Variants in HLA-DMB observed in about 807,000 individuals in gnomAD.
HLA-DMB encodes major histocompatibility complex, class II, DM beta.
Under a neutral mutation model 29.3 loss-of-function variants are expected in HLA-DMB, and 18 were observed. That is an observed-to-expected ratio of 0.62 (90% CI 0.43 to 0.91). The LOEUF is 0.91. Among genes scored for constraint, HLA-DMB ranks in the 40% least tolerant of loss-of-function variants. The pLI is 0.00. For synonymous variants in HLA-DMB, 143 were observed against 128.7 expected (o/e 1.11, Z -0.75); for missense variants, 258 against 320.9 (o/e 0.80, Z 1.50).
chr6:32,938,669 C>A lies in HLA-DMB; in HGVS notation c.337+15G>T, dbSNP rs971919143. The A allele has an allele frequency of 2.0e-6, 3 of 1,473,190 alleles. No homozygotes were observed. Among genetic ancestry groups the A allele is most frequent in the East Asian group, 5.2e-5 (2 of 38,244 alleles). The allele number at this position is 1,473,190 out of a possible 1,614,324, so 91.3% of individuals were successfully genotyped here. Reference sequence around the variant, plus strand: ...TGCACTTCCTGGTAGCCCCTCTGCACCCCTCTCTCCTCACGTGTCCTGTTG... The same window carrying A: ...TGCACTTCCTGGTAGCCCCTCTGCAACCCTCTCTCCTCACGTGTCCTGTTG... On this transcript the variant is annotated intron_variant, in intron 2 of 5. Transcript: ENST00000418107.
In HLA-DMB at chr6:32,937,488, G is replaced by A. The variant is rs1220723922; in HGVS notation, c.338-32C>T. Reference sequence around the variant, plus strand: ...AGGAGAAAAAAACATGTTTAGGAAGGAGGGTGACATTCTGGCTGCTTCCTC... The same window carrying A: ...AGGAGAAAAAAACATGTTTAGGAAGAAGGGTGACATTCTGGCTGCTTCCTC... On this transcript the variant is annotated intron_variant, in intron 2 of 5. Coordinates refer to ENST00000418107, the MANE Select transcript of HLA-DMB (RefSeq NM_002118.5). This position sits in a 1 kb window ranked among gnomAD's most constrained non-coding sequence, Gnocchi z 4.1. The A allele has an allele frequency of 6.3e-7, 1 of 1,588,902 alleles. No homozygotes were observed.
chr6:32,935,067 C>T (rs978511683), intron 5 of HLA-DMB, 80 bp from the exon 6 acceptor site: 1 of 1,512,870 alleles, frequency 6.6e-7, no homozygotes, highest in Non-Finnish European at 9.1e-7. Flanking sequence ...CATCCCATGC[C>T]TTAATACAGT....
chr6:32,937,649 C>A lies in HLA-DMB; in HGVS notation c.338-193G>T. The A allele has an allele frequency of 1.7e-6, 1 of 575,708 alleles. No individual in the cohort carries two copies. Among genetic ancestry groups the A allele is most frequent in the Admixed American group, 3.2e-5 (1 of 31,514 alleles). 35.7% of individuals were successfully genotyped at this position (575,708 alleles called of 1,614,324 possible). ...GCATTACTCTTTCTTCTCTCCCATTCCTTCATTGCCCCTTTCTTTCTTTCC... is the reference window on the plus strand; with the variant it reads ...GCATTACTCTTTCTTCTCTCCCATTACTTCATTGCCCCTTTCTTTCTTTCC... On this transcript the variant is annotated intron_variant, in intron 2 of 5. Coordinates refer to ENST00000418107, the MANE Select transcript of HLA-DMB (RefSeq NM_002118.5). The surrounding 1 kb of genome is among the most constrained non-coding windows in gnomAD (Gnocchi z 4.1).
chr6:32,935,204 C>T (rs771132401), intron 5 of HLA-DMB, 138 bp downstream of exon 5: 6 of 855,192 alleles, frequency 7.0e-6, no homozygotes, highest in Non-Finnish European at 9.7e-6. Context: ...GCAATGGCAG[C>T]TTAAATCATG....
At position 32,937,653 on chromosome 6, in the gene HLA-DMB, C is replaced by G. The variant is rs1776090141; in HGVS notation, c.338-197G>C. On this transcript the variant is annotated intron_variant, in intron 2 of 5. Coordinates refer to ENST00000418107, the MANE Select transcript of HLA-DMB (RefSeq NM_002118.5). The surrounding 1 kb of genome is among the most constrained non-coding windows in gnomAD (Gnocchi z 4.1). ...TACTCTTTCTTCTCTCCCATTCCTTCATTGCCCCTTTCTTTCTTTCCTCCT... is the reference window on the plus strand; with the variant it reads ...TACTCTTTCTTCTCTCCCATTCCTTGATTGCCCCTTTCTTTCTTTCCTCCT... 2 of 574,520 alleles carry G rather than the reference C, an allele frequency of 3.5e-6. No homozygotes were observed. The highest frequency in any genetic ancestry group is 3.7e-5 in the African/African-American group (2 of 53,486). 35.6% of individuals were successfully genotyped at this position (574,520 alleles called of 1,614,324 possible). A position where few individuals can be genotyped will look rare whatever the true frequency, so the allele number is the denominator to read the frequency against.
chr6:32,938,700 T>G lies in HLA-DMB; in HGVS notation c.321A>C (p.Ser107=), dbSNP rs547721366. The G allele has an allele frequency of 1.3e-6, 2 of 1,523,932 alleles. No individual in the cohort carries two copies. The highest frequency in any genetic ancestry group is 1.8e-6 in the Non-Finnish European group (2 of 1,131,666). 94.4% of individuals were successfully genotyped at this position (1,523,932 alleles called of 1,614,324 possible). Residue 107 remains serine (S), a synonymous_variant, in exon 2 of 6, where the codon TCA becomes TCC. Transcript: ENST00000418107. Reference sequence around the variant, plus strand: ...TCTCCTCACGTGTCCTGTTGGTCAGTGATCCCCAGAAGGGCTGGGTGTGTG... The same window carrying G: ...TCTCCTCACGTGTCCTGTTGGTCAGGGATCCCCAGAAGGGCTGGGTGTGTG... ...CATHTQPFWG[S]LTNRTRPPSV...
At position 32,940,833 on chromosome 6, in the gene HLA-DMB, G is replaced by A. The variant is rs778125682; in HGVS notation, c.-26C>T. 2.5e-6 allele frequency: 4 copies of A among 1,573,902 alleles called. No homozygotes were observed. In the Admixed American group the frequency reaches 5.5e-5, roughly 22 times the overall value. Reference sequence around the variant, plus strand: ...GCTCTGCTCTGTAAAGATGCCGGGAGTTCAGTCCCCTGGACCAGCTCTTCC... The same window carrying A: ...GCTCTGCTCTGTAAAGATGCCGGGAATTCAGTCCCCTGGACCAGCTCTTCC... On this transcript the variant is annotated 5_prime_UTR_variant, in exon 1 of 6. Coordinates refer to ENST00000418107, the MANE Select transcript of HLA-DMB (RefSeq NM_002118.5).
chr6:32,938,569 C>T (rs1351482975), intron 2 of HLA-DMB, 115 bp downstream of exon 2: 2 of 1,063,602 alleles, frequency 1.9e-6, no homozygotes, highest in Non-Finnish European at 2.6e-6. Flanking sequence ...CAGATCCACA[C>T]ATTTTCTCTT....
Position 32,938,691 on chromosome 6 carries a change from G to T in HLA-DMB, c.330C>A (p.Asn110Lys), listed in dbSNP as rs1332191808. 6.6e-7 allele frequency: 1 copy of T among 1,512,640 alleles called. No individual in the cohort carries two copies. Among genetic ancestry groups the T allele is most frequent in the Non-Finnish European group, 8.9e-7 (1 of 1,125,604 alleles). 93.7% of individuals were successfully genotyped at this position (1,512,640 alleles called of 1,614,324 possible). A position where few individuals can be genotyped will look rare whatever the true frequency, so the allele number is the denominator to read the frequency against. The change falls in exon 2 of 6, where the codon AAC becomes AAA. Residue 110 changes from asparagine to lysine, a missense_variant. Physicochemically the swap from Asn to Lys is moderately conservative, Grantham distance 94. Coordinates refer to ENST00000418107, the MANE Select transcript of HLA-DMB (RefSeq NM_002118.5). ...HTQPFWGSLTNRTRPPSVQVA... is the reference protein window; with the variant it reads ...HTQPFWGSLTKRTRPPSVQVA... ...GCACCCCTCTCTCCTCACGTGTCCT[G>T]TTGGTCAGTGATCCCCAGAAGGGCT...
intron 2 of HLA-DMB, chr6:32,938,300 G>T (rs1293689252): frequency 4.8e-6 from 1 of 210,312 alleles, no homozygotes; most frequent in Non-Finnish European, 9.4e-6. Context: ...GAGTTTAAGG[G>T]TGAGAAAAAG....
Position 32,937,755 on chromosome 6 carries a change from T to C in HLA-DMB, c.338-299A>G. ...TGTTCTAGAAGTTGTTGTATTTATT[T>C]CAAGTACATAAACTGGAAAGTATTT... On this transcript the variant is annotated intron_variant, in intron 2 of 5. Coordinates refer to ENST00000418107, the MANE Select transcript of HLA-DMB (RefSeq NM_002118.5). This position sits in a 1 kb window ranked among gnomAD's most constrained non-coding sequence, Gnocchi z 4.1. The C allele has an allele frequency of 2.5e-6, 1 of 405,710 alleles. No homozygotes were observed. 25.1% of individuals were successfully genotyped at this position (405,710 alleles called of 1,614,324 possible).
intron 3 of HLA-DMB, chr6:32,936,939 A>G (rs1448674356): frequency 2.5e-6 from 1 of 394,208 alleles, no homozygotes; most frequent in Non-Finnish European, 4.5e-6. Flanking sequence ...GTGCAAAAGT[A>G]ATTGCGGTTT....
In HLA-DMB at chr6:32,937,362, T is replaced by C; in HGVS notation, c.432A>G (p.Glu144=). The C allele has an allele frequency of 6.2e-7, 1 of 1,614,204 alleles. No homozygotes were observed. Among genetic ancestry groups the C allele is most frequent in the South Asian group, 1.1e-5 (1 of 91,080 alleles). The change falls in exon 3 of 6, where the codon GAA becomes GAG. Residue 144 remains glutamate (E), a synonymous_variant. Transcript: ENST00000418107. The surrounding 1 kb of genome is among the most constrained non-coding windows in gnomAD (Gnocchi z 4.1). The part of the protein sequence containing the change: ...ACYVWGFYPA[E]VTITWRKNGK... ...CGTTCTTCCTCCACGTGATAGTCAC[T>C]TCTGCTGGATAGAAGCCCCACACAT... is the stretch of plus-strand genomic sequence containing the variant.
intron 1 of HLA-DMB, among the ~76,000 whole-genome samples, chr6:32,940,370 C>T (rs1776281525): frequency 6.6e-6 from 1 of 151,974 alleles, no homozygotes; most frequent in African/African-American, 2.4e-5. Context: ...GCCCAGAACA[C>T]AGACCTTCAG....
rs1201613049 is a variant in HLA-DMB at position 32,937,495 on chromosome 6, A to G, written c.338-39T>C. ...AAAAACATGTTTAGGAAGGAGGGTG[A>G]CATTCTGGCTGCTTCCTCAACCTGG... On this transcript the variant is annotated intron_variant, in intron 2 of 5. Coordinates refer to ENST00000418107, the MANE Select transcript of HLA-DMB (RefSeq NM_002118.5). The surrounding 1 kb of genome is among the most constrained non-coding windows in gnomAD (Gnocchi z 4.1). The G allele has an allele frequency of 1.9e-6, 3 of 1,573,862 alleles. No individual in the cohort carries two copies. Among genetic ancestry groups the G allele is most frequent in the Non-Finnish European group, 2.6e-6 (3 of 1,154,466 alleles).
chr6:32,940,104 A>G (rs6902982), intron 1 of HLA-DMB, among the ~76,000 whole-genome samples: 3,354 of 152,110 alleles, frequency 0.022, 54 homozygotes, highest in South Asian at 0.038. Flanking sequence ...AGCATATAGA[A>G]GAAAAAAAGT....
chr6:32,937,756 C>T lies in HLA-DMB; in HGVS notation c.338-300G>A. Reference sequence around the variant, plus strand: ...GTTCTAGAAGTTGTTGTATTTATTTCAAGTACATAAACTGGAAAGTATTTG... The same window carrying T: ...GTTCTAGAAGTTGTTGTATTTATTTTAAGTACATAAACTGGAAAGTATTTG... On this transcript the variant is annotated intron_variant, in intron 2 of 5. Transcript: ENST00000418107. This position sits in a 1 kb window ranked among gnomAD's most constrained non-coding sequence, Gnocchi z 4.1. 7.5e-6 allele frequency: 3 copies of T among 400,462 alleles called. No homozygotes were observed. Among genetic ancestry groups the T allele is most frequent in the Non-Finnish European group, 1.3e-5 (3 of 224,866 alleles). 24.8% of individuals were successfully genotyped at this position (400,462 alleles called of 1,614,324 possible).
Position 32,934,989 on chromosome 6 carries a change from T to C in HLA-DMB, c.776-2A>G. ...TCTGCCTCTAGGAAATGTGCCATCC[T>C]ACAGAATAAATAAAAGGGAGATAAT... On this transcript the variant is annotated splice_acceptor_variant, in intron 5 of 5. Coordinates refer to ENST00000418107, the MANE Select transcript of HLA-DMB (RefSeq NM_002118.5). LOFTEE classifies it high-confidence loss of function. 1 of 1,612,850 alleles carries C rather than the reference T, an allele frequency of 6.2e-7. No homozygotes were observed. Among genetic ancestry groups the C allele is most frequent in the Non-Finnish European group, 8.5e-7 (1 of 1,179,920 alleles).
intron 1 of HLA-DMB, among the ~76,000 whole-genome samples, chr6:32,939,620 G>A (rs988430898): frequency 1.3e-5 from 2 of 152,086 alleles, no homozygotes; most frequent in Non-Finnish European, 2.9e-5. Flanking sequence ...CTAGAAGAAG[G>A]ATATGGAATG....
Sources: gnomAD v4.1 joint callset for allele counts (sites outside exome capture counted in the v4.1 genomes callset) on GRCh38, gnomAD v4.1.1 for gene constraint, Gnocchi (gnomAD v3.1) non-coding constraint, MANE v1.5 for transcripts, NCBI Gene and HGNC (gene_info 2026-07-23, HGNC 2026-07-21) for gene names.